MSI2: variants seen among roughly 807,000 people sequenced by gnomAD.
MSI2 encodes the protein musashi RNA binding protein 2, also known as RNA-binding protein Musashi homolog 2.
Under a neutral mutation model 45.6 loss-of-function variants are expected in MSI2, and 17 were observed. That is an observed-to-expected ratio of 0.37 (90% CI 0.26 to 0.56). The LOEUF is 0.56. Among genes scored for constraint, MSI2 ranks in the 20% least tolerant of loss-of-function variants. The probability of loss-of-function intolerance (pLI) is 0.77; values close to 1 mark genes in which losing one functional copy is unlikely to be tolerated. For missense variants in MSI2, 293 were observed against 444.2 expected (o/e 0.66, Z 3.06); for synonymous variants, 156 against 158.2 (o/e 0.99, Z 0.11).
At chr17:57,339,268 G>A (rs959587890) in intron 5 of MSI2, among the ~76,000 whole-genome samples, 1 of 152,122 alleles carries the variant, frequency 6.6e-6, no homozygotes, top group Admixed American at 6.5e-5. Flanking sequence ...CCAGGGGGTC[G>A]GCATATTTAG....
intron 8 of MSI2, among the ~76,000 whole-genome samples, chr17:57,607,058 G>A (rs1040300995): frequency 2.0e-5 from 3 of 152,288 alleles, no homozygotes; most frequent in East Asian, 3.9e-4. Flanking sequence ...TAAGGCCATC[G>A]CACAGAGGAA....
At chr17:57,332,300 C>A (rs1363820594) in intron 5 of MSI2, among the ~76,000 whole-genome samples, 2 of 152,088 alleles carry the variant, frequency 1.3e-5, no homozygotes, top group African/African-American at 4.8e-5. Flanking sequence ...GGGGTTTCTC[C>A]ATGTTAGCCA....
intron 7 of MSI2, among the ~76,000 whole-genome samples, chr17:57,548,908 A>ACCCCCCCCC (rs1481321393): frequency 5.7e-5 from 3 of 52,532 alleles, no homozygotes; most frequent in Admixed American, 2.1e-4. Flanking sequence ...TCCCCCCCCC[A>ACCCCCCCCC]CCCCCCCGCC....
intron 9 of MSI2, among the ~76,000 whole-genome samples, chr17:57,618,599 C>T (rs897826821): frequency 2.0e-5 from 3 of 152,022 alleles, no homozygotes; most frequent in Admixed American, 6.6e-5. Context: ...GCTGGAGTGC[C>T]GTGGCGCGAT....
At chr17:57,431,217 T>C in intron 6 of MSI2, among the ~76,000 whole-genome samples, 1 of 152,172 alleles carries the variant, frequency 6.6e-6, no homozygotes, top group Non-Finnish European at 1.5e-5. Flanking sequence ...CAGGCTGCAC[T>C]CTAGGCATCG....
intron 7 of MSI2, among the ~76,000 whole-genome samples, chr17:57,548,898 T>TCCCCCCCCCCCCCCCCCCCCCC (rs758120237): frequency 2.2e-4 from 27 of 121,262 alleles, no homozygotes; most frequent in African/African-American, 3.4e-4. Flanking sequence ...TGTTTACCCT[T>TCCCCCCCCCCCCCCCCCCCCCC]CCCCCCCCCA....
At chr17:57,695,988 C>A in the MSI2 span, among the ~76,000 whole-genome samples, 4 of 152,180 alleles carry the variant, frequency 2.6e-5, no homozygotes, top group African/African-American at 9.7e-5. Context: ...TGGTCCCACT[C>A]TTATGACCTC....
chr17:57,651,497 C>T (rs182883354), intron 10 of MSI2, among the ~76,000 whole-genome samples: 13 of 152,322 alleles, frequency 8.5e-5, no homozygotes, highest in Non-Finnish European at 1.2e-4. Flanking sequence ...CTGGGACCCC[C>T]CAATGCTTCA....
chr17:57,512,958 T>C (rs2086385987), intron 6 of MSI2, among the ~76,000 whole-genome samples: 1 of 141,178 alleles, frequency 7.1e-6, no homozygotes. Flanking sequence ...GCACATGAAT[T>C]AGCTTCTTCC....
At chr17:57,487,972 G>C (rs1484803198) in intron 6 of MSI2, among the ~76,000 whole-genome samples, 1 of 151,982 alleles carries the variant, frequency 6.6e-6, no homozygotes, top group Admixed American at 6.6e-5. Flanking sequence ...CATGTCACTA[G>C]ATGGTGAGTT....
intron 5 of MSI2, among the ~76,000 whole-genome samples, chr17:57,393,471 C>T (rs2083832339): frequency 6.6e-6 from 1 of 152,124 alleles, no homozygotes; most frequent in Admixed American, 6.5e-5. Context: ...TTCCTTTTTA[C>T]AGTTGAATAA....
intron 6 of MSI2, among the ~76,000 whole-genome samples, chr17:57,490,078 GCT>G (rs1045668330): frequency 1.3e-5 from 2 of 152,008 alleles, no homozygotes; most frequent in African/African-American, 4.8e-5. Flanking sequence ...ATGGACTGTG[GCT>G]CTCTCCCAGG....
intron 6 of MSI2, among the ~76,000 whole-genome samples, chr17:57,520,581 A>C (rs1163202442): frequency 3.3e-5 from 5 of 152,216 alleles, no homozygotes; most frequent in Admixed American, 3.3e-4. Context: ...TGTAGACCCC[A>C]AAAATGGTTA....
chr17:57,500,565 G>A (rs940583160), intron 6 of MSI2, among the ~76,000 whole-genome samples: 10 of 151,804 alleles, frequency 6.6e-5, no homozygotes, highest in Non-Finnish European at 1.2e-4. Context: ...AGGAGAGGAA[G>A]GGCCATCCGG....
chr17:57,677,638 A>T (rs1433180500), intron 13 of MSI2, among the ~76,000 whole-genome samples: 1 of 152,252 alleles, frequency 6.6e-6, no homozygotes, highest in Non-Finnish European at 1.5e-5. Context: ...CTACTGAGTA[A>T]TTATCCAGAT....
At chr17:57,577,042 G>A (rs533324194) in intron 7 of MSI2, among the ~76,000 whole-genome samples, 1 of 152,298 alleles carries the variant, frequency 6.6e-6, no homozygotes, top group Non-Finnish European at 1.5e-5. Context: ...ATCAGAGGAG[G>A]TCGTCTGATG....
At chr17:57,568,707 T>C (rs2144294100) in intron 7 of MSI2, among the ~76,000 whole-genome samples, 1 of 152,238 alleles carries the variant, frequency 6.6e-6, no homozygotes, top group Non-Finnish European at 1.5e-5. Flanking sequence ...TCCTAGAGGG[T>C]GCTTTTCAGC....
intron 10 of MSI2, chr17:57,632,692 T>C: frequency 9.4e-7 from 1 of 1,065,862 alleles, no homozygotes; most frequent in Non-Finnish European, 1.1e-6. Flanking sequence ...TTTCCCTAAC[T>C]GAAATACACC....
At chr17:57,661,921 G>T (rs1353877450) in intron 11 of MSI2, among the ~76,000 whole-genome samples, 1 of 152,078 alleles carries the variant, frequency 6.6e-6, no homozygotes, top group African/African-American at 2.4e-5. Context: ...CTTCCTCATG[G>T]GTGAGCTCTC....
Sources: allele counts gnomAD v4.1 joint callset (sites outside exome capture counted in the v4.1 genomes callset), GRCh38; gene constraint gnomAD v4.1.1; transcripts MANE v1.5; gene names NCBI Gene and HGNC (gene_info 2026-07-23, HGNC 2026-07-21).